The following IL1RAPL2 variants were observed in gnomAD, a reference collection of about 807,000 sequenced individuals.
IL1RAPL2 encodes the protein X-linked interleukin-1 receptor accessory protein-like 2.
Under a neutral mutation model 44.1 loss-of-function variants are expected in IL1RAPL2, and 3 were observed. That is an observed-to-expected ratio of 0.07 (90% CI 0.03 to 0.18). The LOEUF is 0.18. Among genes scored for constraint, IL1RAPL2 ranks in the 10% least tolerant of loss-of-function variants. The pLI, the probability that IL1RAPL2 is intolerant of heterozygous loss-of-function variation, is 1.00. For missense variants in IL1RAPL2, 391 were observed against 496.4 expected (o/e 0.79, Z 2.02); for synonymous variants, 181 against 178.8 (o/e 1.01, Z -0.10).
At chrX:105,040,625 A>C (rs181545634) in intron 2 of IL1RAPL2, among the ~76,000 whole-genome samples, 1 of 109,302 alleles carries the variant, frequency 9.1e-6, no homozygotes, top group Non-Finnish European at 1.9e-5. Flanking sequence ...TGTATGTGTC[A>C]AGGAATTTAT....
At chrX:105,153,637 A>G (rs2033246102) in intron 2 of IL1RAPL2, among the ~76,000 whole-genome samples, 1 of 111,844 alleles carries the variant, frequency 8.9e-6, no homozygotes. Context: ...ACTTATAGGC[A>G]AAGACATAAA....
At chrX:105,514,515 T>C (rs2036497079) in intron 6 of IL1RAPL2, among the ~76,000 whole-genome samples, 1 of 112,591 alleles carries the variant, frequency 8.9e-6, no homozygotes, top group African/African-American at 3.2e-5. Flanking sequence ...ACCTTATATG[T>C]GGTAGAATAC....
At position 105,394,840 on chromosome X, in the gene IL1RAPL2, G is replaced by GT. The variant is rs370934328; in HGVS notation, c.698-89467dup. 5.1e-3 allele frequency among the ~76,000 whole-genome samples: 570 copies of GT among 111,029 alleles called. 6 individuals are homozygous for GT. Among genetic ancestry groups the GT allele is most frequent in the African/African-American group, 0.018 (536 of 30,535 alleles). ...TCTTGGTATTGCTCTGACATGTGAT[G>GT]TTTTTTCTCCTTTTCTCCATGTATC... On this transcript the variant is annotated intron_variant, in intron 5 of 10. Transcript: ENST00000372582.
chrX:104,694,234 CCCT>C (rs1367958523), intron 2 of IL1RAPL2, among the ~76,000 whole-genome samples: 1 of 111,753 alleles, frequency 8.9e-6, no homozygotes, highest in Non-Finnish European at 1.9e-5. Context: ...CATCTGCCCA[CCCT>C]CCTCCTTATT....
At position 105,755,247 on chromosome X, in the gene IL1RAPL2, T is replaced by C. The variant is rs1569472090; in HGVS notation, c.1263T>C (p.Pro421=). The change falls in exon 10 of 11, where the codon CCT becomes CCC. Residue 421 remains proline, a synonymous_variant. Transcript: ENST00000372582. Reference sequence around the variant, plus strand: ...AAGATACTTTAGACTGTGACAATCCTGAAGAAGAGCAGTTTGCTCTTGAAG... The same window carrying C: ...AAGATACTTTAGACTGTGACAATCCCGAAGAAGAGCAGTTTGCTCTTGAAG... ...VDQDTLDCDN[P]EEEQFALEVL... is the part of the protein sequence containing the mutation. 1 of 1,196,095 alleles carries C rather than the reference T, an allele frequency of 8.4e-7. No individual in the cohort carries two copies. Among genetic ancestry groups the C allele is most frequent in the South Asian group, 1.8e-5 (1 of 56,492 alleles).
intron 5 of IL1RAPL2, among the ~76,000 whole-genome samples, chrX:105,470,911 G>A (rs994022991): frequency 9.0e-6 from 1 of 111,046 alleles, no homozygotes; most frequent in Non-Finnish European, 1.9e-5. Flanking sequence ...TCTTCCCTTC[G>A]GTACCTGGCC....
At chrX:105,418,769 G>T (rs1031759869) in intron 5 of IL1RAPL2, among the ~76,000 whole-genome samples, 1 of 111,803 alleles carries the variant, frequency 8.9e-6, no homozygotes, top group East Asian at 2.8e-4. Flanking sequence ...CAGCATACTT[G>T]TCATTTATCA....
chrX:105,268,415 G>C (rs1188936104), intron 5 of IL1RAPL2, among the ~76,000 whole-genome samples: 1 of 110,730 alleles, frequency 9.0e-6, no homozygotes, highest in Non-Finnish European at 1.9e-5. Flanking sequence ...CAAAGTTGCA[G>C]TTATATAGGA....
At chrX:104,655,581 T>G (rs528933289) in intron 1 of IL1RAPL2, among the ~76,000 whole-genome samples, 2 of 112,201 alleles carry the variant, frequency 1.8e-5, no homozygotes, top group African/African-American at 6.5e-5. Context: ...GCCAGTATTT[T>G]ATTGAGGATT....
chrX:104,961,210 A>G (rs1474853876), intron 2 of IL1RAPL2, among the ~76,000 whole-genome samples: 1 of 111,747 alleles, frequency 8.9e-6, no homozygotes, highest in Non-Finnish European at 1.9e-5. Context: ...CCTTCTGCCT[A>G]CAGTGGCCCT....
chrX:105,398,746 A>G (rs73527113), intron 5 of IL1RAPL2, among the ~76,000 whole-genome samples: 21,452 of 111,079 alleles, frequency 0.19, 5,061 homozygotes, highest in African/African-American at 0.67. Flanking sequence ...TAAGAAAAAA[A>G]TGCTATTTCC....
intron 2 of IL1RAPL2, among the ~76,000 whole-genome samples, chrX:104,753,865 C>T (rs1292597117): frequency 9.0e-6 from 1 of 111,693 alleles, no homozygotes; most frequent in Non-Finnish European, 1.9e-5. Flanking sequence ...GGGAATTTTA[C>T]CCCTTAGCAA....
chrX:104,621,352 C>A (rs908318604), intron 1 of IL1RAPL2, among the ~76,000 whole-genome samples: 5 of 109,009 alleles, frequency 4.6e-5, no homozygotes, highest in African/African-American at 1.7e-4. Context: ...ATTCTGCTCT[C>A]CCCCATTGCA....
In IL1RAPL2 at chrX:105,562,854, T is replaced by G. The variant is rs115676843; in HGVS notation, c.772+78467T>G. On this transcript the variant is annotated intron_variant, in intron 6 of 10. Coordinates refer to ENST00000372582, the MANE Select transcript of IL1RAPL2 (RefSeq NM_017416.2). ...ATTCATCCAGTCAATTAATATATATTTAGTGCCTACTTTGTTTCAGATTCT... is the reference window on the plus strand; with the variant it reads ...ATTCATCCAGTCAATTAATATATATGTAGTGCCTACTTTGTTTCAGATTCT... Among the ~76,000 whole-genome samples the G allele has an allele frequency of 3.6e-3, 405 of 112,202 alleles. 2 individuals carry two copies. The highest frequency in any genetic ancestry group is 0.012 in the African/African-American group (383 of 30,940).
At chrX:104,798,999 TTA>T (rs1416319307) in intron 2 of IL1RAPL2, among the ~76,000 whole-genome samples, 1 of 111,089 alleles carries the variant, frequency 9.0e-6, no homozygotes, top group Non-Finnish European at 1.9e-5. Flanking sequence ...ACATTTATTA[TTA>T]TATATATGTT....
chrX:105,708,801 C>T (rs1285055842), intron 6 of IL1RAPL2, among the ~76,000 whole-genome samples: 1 of 111,637 alleles, frequency 9.0e-6, no homozygotes, highest in Non-Finnish European at 1.9e-5. Flanking sequence ...AACCATTTTT[C>T]AATTGATATG....
At chrX:105,002,247 A>C (rs1259231346) in intron 2 of IL1RAPL2, among the ~76,000 whole-genome samples, 1 of 111,648 alleles carries the variant, frequency 9.0e-6, no homozygotes, top group Non-Finnish European at 1.9e-5. Flanking sequence ...CTATTCAAGG[A>C]ATAAAACATC....
intron 4 of IL1RAPL2, among the ~76,000 whole-genome samples, chrX:105,258,314 G>A (rs1247253392): frequency 9.0e-6 from 1 of 111,387 alleles, no homozygotes; most frequent in Non-Finnish European, 1.9e-5. Flanking sequence ...TAGCCTGATG[G>A]TGTTCCCTTT....
intron 2 of IL1RAPL2, among the ~76,000 whole-genome samples, chrX:104,790,438 A>G (rs190962995): frequency 1.8e-5 from 2 of 111,637 alleles, no homozygotes; most frequent in Admixed American, 1.9e-4. Flanking sequence ...AAGGGTGACG[A>G]GAACCACTAC....
Sources: gnomAD v4.1 joint callset for allele counts (sites outside exome capture counted in the v4.1 genomes callset) on GRCh38, gnomAD v4.1.1 for gene constraint, MANE v1.5 for transcripts, NCBI Gene and HGNC (gene_info 2026-07-23, HGNC 2026-07-21) for gene names.